Variants in BCL2 observed in about 807,000 individuals in gnomAD.
BCL2 encodes apoptosis regulator Bcl-2.
Under a neutral mutation model 14.2 loss-of-function variants are expected in BCL2, and 1 was observed. The observed-to-expected ratio is 0.07, with a 90% CI of 0.02 to 0.33. The LOEUF (loss-of-function observed/expected upper bound fraction) is 0.33, where lower values mean the gene tolerates loss of function less well. BCL2 is among the 10% of genes least tolerant of loss of function. The probability of loss-of-function intolerance (pLI) is 0.99; values close to 1 mark genes in which losing one functional copy is unlikely to be tolerated. For missense variants in BCL2, 247 were observed against 305.9 expected (o/e 0.81, Z 1.44); for synonymous variants, 151 against 137.2 (o/e 1.10, Z -0.70).
At chr18:63,185,169 C>T (rs932459559) in intron 2 of BCL2, among the ~76,000 whole-genome samples, 1 of 152,222 alleles carries the variant, frequency 6.6e-6, no homozygotes, top group Non-Finnish European at 1.5e-5. Context: ...CAAACATATT[C>T]AGTGTCACAA....
intron 2 of BCL2, among the ~76,000 whole-genome samples, chr18:63,209,079 G>T (rs946142004): frequency 2.6e-5 from 4 of 152,170 alleles, no homozygotes; most frequent in African/African-American, 9.7e-5. Flanking sequence ...AGTCACCCTG[G>T]CAAAAGGCTA....
At chr18:63,263,090 CTG>C (rs1424638542) in intron 2 of BCL2, among the ~76,000 whole-genome samples, 1 of 152,170 alleles carries the variant, frequency 6.6e-6, no homozygotes, top group African/African-American at 2.4e-5. Context: ...TCCCGGAAAA[CTG>C]TGCTCATCAG....
In BCL2 at chr18:63,221,425, A is replaced by G. The variant is rs577829606; in HGVS notation, c.586-92666T>C. 2.3e-3 allele frequency among the ~76,000 whole-genome samples: 349 copies of G among 152,334 alleles called. 1 individual carries two copies. The highest frequency in any genetic ancestry group is 4.1e-3 in the Non-Finnish European group (279 of 68,026). On this transcript the variant is annotated intron_variant, in intron 2 of 2. Transcript: ENST00000333681. ...ACAGAGTTAAGTTTGGGGGAAAAAA[A>G]GGGAAAAAAGGAAGGAAAAGGGGGA...
chr18:63,177,937 C>T (rs574438459), intron 2 of BCL2, among the ~76,000 whole-genome samples: 72 of 152,234 alleles, frequency 4.7e-4, no homozygotes, highest in African/African-American at 1.4e-3. Context: ...CATAAGAGCC[C>T]CGCCAGGTCA....
chr18:63,132,629 AC>A (rs1310448210), intron 2 of BCL2, among the ~76,000 whole-genome samples: 1 of 152,164 alleles, frequency 6.6e-6, no homozygotes, highest in Non-Finnish European at 1.5e-5. Flanking sequence ...TGGCCTCTAA[AC>A]TTTGCCCTTC....
At chr18:63,180,343 T>G (rs1915453615) in intron 2 of BCL2, among the ~76,000 whole-genome samples, 1 of 152,216 alleles carries the variant, frequency 6.6e-6, no homozygotes, top group Non-Finnish European at 1.5e-5. Flanking sequence ...AAGCTCTGGG[T>G]GTTGCTAGGA....
chr18:63,251,607 T>C (rs1911318527), intron 2 of BCL2, among the ~76,000 whole-genome samples: 1 of 146,370 alleles, frequency 6.8e-6, no homozygotes, highest in Non-Finnish European at 1.5e-5. Context: ...ATCCCGCCAC[T>C]GCACTCCAGC....
At chr18:63,192,061 A>G (rs568843860) in intron 2 of BCL2, among the ~76,000 whole-genome samples, 8 of 152,364 alleles carry the variant, frequency 5.3e-5, no homozygotes, top group Admixed American at 1.3e-4. Flanking sequence ...GGACTATGAC[A>G]GGCATGGTCC....
At chr18:63,169,307 T>TCTTTCTTTCTTTCTTTCTTTCTTC (rs778789929) in intron 2 of BCL2, among the ~76,000 whole-genome samples, 8 of 74,022 alleles carry the variant, frequency 1.1e-4, no homozygotes, top group East Asian at 4.1e-4. Flanking sequence ...TTTCTTTCTT[T>TCTTTCTTTCTTTCTTTCTTTCTTC]CTTCCTTCCT....
intron 2 of BCL2, among the ~76,000 whole-genome samples, chr18:63,137,509 G>A (rs568039847): frequency 6.6e-6 from 1 of 152,134 alleles, no homozygotes; most frequent in Non-Finnish European, 1.5e-5. Flanking sequence ...TTTTAAAAGG[G>A]GAGTATTCAG....
chr18:63,123,756 A>C lies in BCL2; in HGVS notation c.*4869T>G, dbSNP rs1913836113. ...AAAACCACCAAAAGAAAGCTTCCCCAAAAGAAATGCAATCCACTGTCACTC... is the reference window on the plus strand; with the variant it reads ...AAAACCACCAAAAGAAAGCTTCCCCCAAAGAAATGCAATCCACTGTCACTC... On this transcript the variant is annotated 3_prime_UTR_variant, in exon 3 of 3. Coordinates refer to ENST00000333681, the MANE Select transcript of BCL2 (RefSeq NM_000633.3). 4.6e-6 allele frequency: 1 copy of C among 218,138 alleles called. No homozygotes were observed. 13.5% of individuals were successfully genotyped at this position (218,138 alleles called of 1,614,324 possible).
intron 2 of BCL2, among the ~76,000 whole-genome samples, chr18:63,295,977 C>T (rs1374425983): frequency 6.6e-6 from 1 of 152,202 alleles, no homozygotes; most frequent in Non-Finnish European, 1.5e-5. Flanking sequence ...ACATGCTTGT[C>T]TCACCCTGAC....
intron 2 of BCL2, among the ~76,000 whole-genome samples, chr18:63,132,538 G>A (rs894795103): frequency 6.6e-6 from 1 of 152,194 alleles, no homozygotes; most frequent in South Asian, 2.1e-4. Flanking sequence ...ATAATACAAT[G>A]CCTACCTATC....
At chr18:63,198,177 TACACAC>T (rs113352488) in intron 2 of BCL2, among the ~76,000 whole-genome samples, 6 of 140,048 alleles carry the variant, frequency 4.3e-5, no homozygotes, top group South Asian at 4.7e-4. Flanking sequence ...CACACAGACA[TACACAC>T]ACACACACAC....
intron 2 of BCL2, among the ~76,000 whole-genome samples, chr18:63,186,475 G>C (rs1915596690): frequency 6.6e-6 from 1 of 152,184 alleles, no homozygotes; most frequent in South Asian, 2.1e-4. Context: ...TTTTGTACAT[G>C]ATATGACCAT....
intron 2 of BCL2, among the ~76,000 whole-genome samples, chr18:63,231,535 C>T (rs983298586): frequency 6.6e-6 from 1 of 151,980 alleles, no homozygotes; most frequent in African/African-American, 2.4e-5. Context: ...ATACAAACAT[C>T]CATGGCATCA....
chr18:63,193,582 ATGTGTGTGTG>A lies in BCL2; in HGVS notation c.586-64833_586-64824del, dbSNP rs201003163. ...ATATTCTTAAGGCGGAGTAGTATGTATGTGTGTGTGTGTGTGTGTGTGTGTGTGTATACAC... is the reference window on the plus strand; with the variant it reads ...ATATTCTTAAGGCGGAGTAGTATGTATGTGTGTGTGTGTGTGTGTATACAC... On this transcript the variant is annotated intron_variant, in intron 2 of 2. Transcript: ENST00000333681. Among the ~76,000 whole-genome samples the A allele has an allele frequency of 3.4e-4, 47 of 139,424 alleles. No individual in the cohort carries two copies. In the Middle Eastern group the frequency reaches 0.03, roughly 89 times the overall value. 91.5% of individuals were successfully genotyped at this position (139,424 alleles called of 152,430 possible).
At chr18:63,254,800 A>ATATC (rs1190061841) in intron 2 of BCL2, among the ~76,000 whole-genome samples, 1 of 152,256 alleles carries the variant, frequency 6.6e-6, no homozygotes, top group African/African-American at 2.4e-5. Context: ...AATGAAGATC[A>ATATC]TATCTTCAAG....
In BCL2 at chr18:63,126,210, C is replaced by T. The variant is rs1011013237; in HGVS notation, c.*2415G>A. The T allele has an allele frequency of 2.8e-5, 6 of 217,108 alleles. No homozygotes were observed. The highest frequency in any genetic ancestry group is 6.8e-5 in the African/African-American group (3 of 44,324). 13.4% of individuals were successfully genotyped at this position (217,108 alleles called of 1,614,324 possible). A position where few individuals can be genotyped will look rare whatever the true frequency, so the allele number is the denominator to read the frequency against. Reference sequence around the variant, plus strand: ...TCTGATCATTCTGTTCCCTGAGGCCCGCCGGGGAGGTCTGGCTTCATACCA... The same window carrying T: ...TCTGATCATTCTGTTCCCTGAGGCCTGCCGGGGAGGTCTGGCTTCATACCA... On this transcript the variant is annotated 3_prime_UTR_variant, in exon 3 of 3. Coordinates refer to ENST00000333681, the MANE Select transcript of BCL2 (RefSeq NM_000633.3).
Sources: allele counts gnomAD v4.1 joint callset (sites outside exome capture counted in the v4.1 genomes callset), GRCh38; gene constraint gnomAD v4.1.1; transcripts MANE v1.5; gene names NCBI Gene and HGNC (gene_info 2026-07-23, HGNC 2026-07-21).